KAZN: variants seen among roughly 807,000 people sequenced by gnomAD.
The protein encoded by KAZN is kazrin.
KAZN carries 40 observed loss-of-function variants against 87.4 expected under a neutral mutation model. The observed-to-expected ratio is 0.46, with a 90% CI of 0.36 to 0.60. KAZN has a LOEUF of 0.60. Ranked by LOEUF, KAZN falls within the 20% of genes least tolerant of loss-of-function variation. The probability of loss-of-function intolerance (pLI) is 0.00; values close to 1 mark genes in which losing one functional copy is unlikely to be tolerated. For missense variants in KAZN, 898 were observed against 1,073.9 expected (o/e 0.84, Z 2.29); for synonymous variants, 466 against 458.3 (o/e 1.02, Z -0.22).
intron 2 of KAZN, among the ~76,000 whole-genome samples, chr1:14,451,369 CTT>C (rs1667265243): frequency 6.6e-6 from 1 of 152,238 alleles, no homozygotes; most frequent in East Asian, 1.9e-4. Flanking sequence ...AGAATGTAGA[CTT>C]AGATTGCTTA....
intron 2 of KAZN, among the ~76,000 whole-genome samples, chr1:14,558,204 G>A (rs1281652204): frequency 6.6e-6 from 1 of 152,176 alleles, no homozygotes; most frequent in Non-Finnish European, 1.5e-5. Context: ...GTCCCCAGTT[G>A]TTTTCAGTAA....
chr1:14,259,654 C>T (rs1335477858), intron 2 of KAZN, among the ~76,000 whole-genome samples: 3 of 152,146 alleles, frequency 2.0e-5, no homozygotes, highest in Non-Finnish European at 4.4e-5. Flanking sequence ...TGCTAGTAAC[C>T]CCGGACATGA....
chr1:14,858,654 C>T (rs1445236616), intron 1 of KAZN, among the ~76,000 whole-genome samples: 1 of 152,168 alleles, frequency 6.6e-6, no homozygotes, highest in Non-Finnish European at 1.5e-5. Flanking sequence ...AAGAATAGAT[C>T]TCTGTGAAAA....
chr1:14,869,947 G>A (rs1004970893), intron 1 of KAZN, among the ~76,000 whole-genome samples: 4 of 152,062 alleles, frequency 2.6e-5, no homozygotes, highest in Admixed American at 6.6e-5. Flanking sequence ...CACCCACCCC[G>A]GCATTACTTT....
At chr1:14,968,301 G>C (rs1664670185) in intron 2 of KAZN, among the ~76,000 whole-genome samples, 1 of 152,110 alleles carries the variant, frequency 6.6e-6, no homozygotes. Context: ...CATCGCTGCT[G>C]ATCAGACAGG....
intron 8 of KAZN, among the ~76,000 whole-genome samples, chr1:15,088,065 C>A (rs990127008): frequency 1.3e-5 from 2 of 152,178 alleles, no homozygotes; most frequent in African/African-American, 4.8e-5. Context: ...CTAGGCCAGG[C>A]GTTTCTCTAT....
intron 1 of KAZN, among the ~76,000 whole-genome samples, chr1:14,650,113 A>G (rs1008508822): frequency 2.7e-5 from 4 of 149,922 alleles, no homozygotes; most frequent in Admixed American, 6.8e-5. Context: ...ATAGTCACAC[A>G]GCAAGTAATT....
chr1:14,458,632 T>C (rs575090248), intron 2 of KAZN, among the ~76,000 whole-genome samples: 5 of 152,330 alleles, frequency 3.3e-5, no homozygotes, highest in East Asian at 3.9e-4. Context: ...CCTCCACTTA[T>C]GGCTCATAAT....
At chr1:14,501,567 C>T (rs753265857) in intron 2 of KAZN, among the ~76,000 whole-genome samples, 24 of 152,102 alleles carry the variant, frequency 1.6e-4, no homozygotes, top group Non-Finnish European at 2.9e-4. Flanking sequence ...GAACAAAACA[C>T]TTTGGTATAA....
intron 1 of KAZN, among the ~76,000 whole-genome samples, chr1:14,069,925 C>T (rs1417353270): frequency 7.2e-5 from 11 of 151,948 alleles, no homozygotes; most frequent in Admixed American, 4.6e-4. Flanking sequence ...AATCCCAGCA[C>T]TTTGGGAGGC....
chr1:13,893,454 C>T, exon 1 of KAZN: 1 of 738,330 alleles, frequency 1.4e-6, no homozygotes, highest in Non-Finnish European at 2.1e-6. Context: ...TATAGGGTTT[C>T]ATTTTTTACT....
chr1:14,345,911 C>G (rs575351948), intron 2 of KAZN, among the ~76,000 whole-genome samples: 2 of 152,282 alleles, frequency 1.3e-5, no homozygotes, highest in African/African-American at 2.4e-5. Flanking sequence ...AAAAGAAGTT[C>G]TCTCAGGGAA....
chr1:14,109,813 C>CTTTTTTTTTTT (rs1289460974), intron 1 of KAZN, among the ~76,000 whole-genome samples: 110 of 125,162 alleles, frequency 8.8e-4, no homozygotes, highest in South Asian at 1.9e-3. Context: ...CTTATCAAAA[C>CTTTTTTTTTTT]GATTTCAGCG....
At chr1:13,941,069 C>G (rs1640908207) in intron 1 of KAZN, among the ~76,000 whole-genome samples, 1 of 152,056 alleles carries the variant, frequency 6.6e-6, no homozygotes, top group East Asian at 1.9e-4. Context: ...TAGCACATGC[C>G]TATAATCCCA....
intron 1 of KAZN, among the ~76,000 whole-genome samples, chr1:14,752,491 G>A (rs1644440160): frequency 6.6e-6 from 1 of 152,150 alleles, no homozygotes; most frequent in African/African-American, 2.4e-5. Flanking sequence ...TCTGGAGGCT[G>A]GGAAGTCCAA....
intron 2 of KAZN, among the ~76,000 whole-genome samples, chr1:14,572,385 GC>G (rs1674924172): frequency 2.0e-5 from 3 of 152,168 alleles, no homozygotes; most frequent in Admixed American, 1.3e-4. Flanking sequence ...AAGAGAATGA[GC>G]TGGGCAATCC....
At chr1:15,029,236 G>A (rs1671447690) in intron 2 of KAZN, among the ~76,000 whole-genome samples, 2 of 152,196 alleles carry the variant, frequency 1.3e-5, no homozygotes, top group African/African-American at 2.4e-5. Flanking sequence ...AGCCATAGGT[G>A]TGAGTTTGTC....
chr1:14,339,021 G>GA (rs35833377), intron 2 of KAZN, among the ~76,000 whole-genome samples: 1 of 151,434 alleles, frequency 6.6e-6, no homozygotes, highest in Non-Finnish European at 1.5e-5. Flanking sequence ...CAGAGACTCT[G>GA]AAAAAAGAAA....
chr1:14,802,404 C>CAAAAA (rs35172215), intron 1 of KAZN, among the ~76,000 whole-genome samples: 1 of 135,336 alleles, frequency 7.4e-6, no homozygotes, highest in Non-Finnish European at 1.6e-5. Flanking sequence ...ACTCTTGTCT[C>CAAAAA]AAAAAAAAAA....
Sources: allele counts gnomAD v4.1 joint callset (sites outside exome capture counted in the v4.1 genomes callset), GRCh38; gene constraint gnomAD v4.1.1; transcripts MANE v1.5; gene names NCBI Gene and HGNC (gene_info 2026-07-23, HGNC 2026-07-21).